SLC28A3: variants seen among roughly 807,000 people sequenced by gnomAD.
The protein encoded by SLC28A3 is concentrative Na(+)-nucleoside cotransporter 3.
Under a neutral mutation model 84.2 loss-of-function variants are expected in SLC28A3, and 68 were observed. That is an observed-to-expected ratio of 0.81 (90% CI 0.66 to 0.99). The LOEUF (loss-of-function observed/expected upper bound fraction) is 0.99, where lower values mean the gene tolerates loss of function less well. Among genes scored for constraint, SLC28A3 ranks in the 50% least tolerant of loss-of-function variants. SLC28A3 has a pLI of 0.00. For synonymous variants in SLC28A3, 267 were observed against 303.6 expected, an observed-to-expected ratio of 0.88 and a Z score of 1.25; for missense variants, 712 against 841.5, an observed-to-expected ratio of 0.85 and a Z score of 1.90.
intron 1 of SLC28A3, among the ~76,000 whole-genome samples, chr9:84,340,075 C>T (rs1173366269): frequency 3.3e-5 from 5 of 152,168 alleles, no homozygotes; most frequent in African/African-American, 2.4e-5. Flanking sequence ...CACCCAGCCT[C>T]GGGCTGAGCA....
At chr9:84,348,303 G>A in the SLC28A3 span, among the ~76,000 whole-genome samples, 2 of 147,724 alleles carry the variant, frequency 1.4e-5, no homozygotes, top group East Asian at 4.0e-4. Flanking sequence ...GCAGTGAGCC[G>A]AGATCACAGC....
chr9:84,304,745 G>A (rs1404581040), intron 4 of SLC28A3, among the ~76,000 whole-genome samples: 1 of 152,200 alleles, frequency 6.6e-6, no homozygotes, highest in Non-Finnish European at 1.5e-5. Context: ...TGCTGGGCCC[G>A]GCACAGTGGA....
intron 1 of SLC28A3, among the ~76,000 whole-genome samples, chr9:84,336,994 A>G (rs1031452373): frequency 8.5e-5 from 13 of 152,128 alleles, no homozygotes; most frequent in Admixed American, 2.0e-4. Flanking sequence ...TATATTATTT[A>G]CAATGCACTT....
Position 84,309,649 on chromosome 9 carries a change from A to C in SLC28A3, c.222T>G (p.Asp74Glu). Residue 74 changes from aspartate (D) to glutamate (E), a missense_variant, in exon 3 of 18, where the codon GAT becomes GAG. Transcript: ENST00000376238. Reference protein sequence around the residue: ...PRNREHMEDDDEEMQQKGCLE... With the variant: ...PRNREHMEDDEEEMQQKGCLE... ...TGTACCCTTTTTGTTGCATCTCCTCATCATCATCCTCCATGTGTTCTCTGT... is the reference window on the plus strand; with the variant it reads ...TGTACCCTTTTTGTTGCATCTCCTCCTCATCATCCTCCATGTGTTCTCTGT... The C allele has an allele frequency of 6.2e-7, 1 of 1,613,010 alleles. No homozygotes were observed. The highest frequency in any genetic ancestry group is 1.1e-5 in the South Asian group (1 of 91,018).
chr9:84,330,314 T>C (rs1304836683), intron 1 of SLC28A3, among the ~76,000 whole-genome samples: 6 of 152,198 alleles, frequency 3.9e-5, no homozygotes, highest in African/African-American at 1.4e-4. Flanking sequence ...GAGGAGATAT[T>C]ACTACTGATA....
rs186427316 is a variant in SLC28A3 at position 84,306,430 on chromosome 9, A to C, written c.243-1085T>G. On this transcript the variant is annotated intron_variant, in intron 3 of 17. Transcript: ENST00000376238. ...CAGCTCAAGCTTTTGACTTCTAAAA[A>C]GTCTTCTTGCATTTTCTCAGACAGA... Among the ~76,000 whole-genome samples, 24 of 152,270 alleles carry C rather than the reference A, an allele frequency of 1.6e-4. No homozygotes were observed. In the East Asian group the frequency reaches 4.4e-3, roughly 28 times the overall value.
chr9:84,312,902 C>T lies in SLC28A3; in HGVS notation c.156+457G>A, dbSNP rs1471087134. Reference sequence around the variant, plus strand: ...TGTTCACCTTTTTGGCAACAGGAAGCCATCTTTAAATAAACTCCTGTCCAG... The same window carrying T: ...TGTTCACCTTTTTGGCAACAGGAAGTCATCTTTAAATAAACTCCTGTCCAG... On this transcript the variant is annotated intron_variant, in intron 2 of 17. Transcript: ENST00000376238. Among the ~76,000 whole-genome samples, 3 of 152,126 alleles carry T rather than the reference C, an allele frequency of 2.0e-5. No homozygotes were observed. The East Asian group carries it at 5.8e-4, about 29-fold the overall frequency.
chr9:84,350,019 G>A, the SLC28A3 span, among the ~76,000 whole-genome samples: 1 of 152,212 alleles, frequency 6.6e-6, no homozygotes, highest in South Asian at 2.1e-4. Context: ...AGGTTATATG[G>A]TATAGCCTGT....
intron 4 of SLC28A3, among the ~76,000 whole-genome samples, chr9:84,303,873 CATAA>C (rs1250695097): frequency 6.6e-6 from 1 of 152,228 alleles, no homozygotes; most frequent in Non-Finnish European, 1.5e-5. Flanking sequence ...TGTCTCCTTT[CATAA>C]ATATTCATGA....
rs547968745 is a variant in SLC28A3 at position 84,321,878 on chromosome 9, G to A, written c.61-8424C>T. 7.2e-5 allele frequency among the ~76,000 whole-genome samples: 11 copies of A among 151,740 alleles called. No homozygotes were observed. The South Asian group carries it at 1.3e-3, about 17-fold the overall frequency. ...CAGCCTGGCCAACATGGTGAAACCC[G>A]GTCTCTACTAAAAACACAAAAATTA... is the stretch of plus-strand genomic sequence containing the variant. On this transcript the variant is annotated intron_variant, in intron 1 of 17. Transcript: ENST00000376238.
At chr9:84,362,923 C>A in the SLC28A3 span, among the ~76,000 whole-genome samples, 3,320 of 151,946 alleles carry the variant, frequency 0.022, 124 homozygotes, top group African/African-American at 0.075. Context: ...ATTTATAAAT[C>A]TAATAACTAA....
Position 84,305,261 on chromosome 9 carries a change from T to C in SLC28A3, c.327A>G (p.Leu109=), listed in dbSNP as rs1182691882. The change falls in exon 4 of 18, where the codon TTA becomes TTG. Residue 109 remains leucine (L), a synonymous_variant. Transcript: ENST00000376238. ...ACCATCTTTGTTATTTACCTGCTAA[T>C]AAAATGCCCCAGATGATGTGCCGAA... ...TTLRHIIWGI[L]LAGYLVMVIS... is the part of the protein sequence containing the mutation. The C allele has an allele frequency of 1.2e-6, 2 of 1,606,814 alleles. No individual in the cohort carries two copies. The highest frequency in any genetic ancestry group is 1.1e-5 in the South Asian group (1 of 90,138).
chr9:84,352,460 G>A, the SLC28A3 span, among the ~76,000 whole-genome samples: 1 of 152,040 alleles, frequency 6.6e-6, no homozygotes, highest in Non-Finnish European at 1.5e-5. Flanking sequence ...TGGGATTACA[G>A]GCATGAGCCA....
Position 84,302,403 on chromosome 9 carries a change from A to G in SLC28A3, c.335-14T>C. On this transcript the variant is annotated splice_polypyrimidine_tract_variant and intron_variant, in intron 4 of 17. Transcript: ENST00000376238. ...TAACCAGATAACCTGTCCAGGAAGCAAAAACAGACACTGAACATCACTAAC... is the reference window on the plus strand; with the variant it reads ...TAACCAGATAACCTGTCCAGGAAGCGAAAACAGACACTGAACATCACTAAC... 1 of 1,610,444 alleles carries G rather than the reference A, an allele frequency of 6.2e-7. No homozygotes were observed. Among genetic ancestry groups the G allele is most frequent in the Non-Finnish European group, 8.5e-7 (1 of 1,178,520 alleles).
At chr9:84,353,968 T>G in the SLC28A3 span, among the ~76,000 whole-genome samples, 4 of 152,150 alleles carry the variant, frequency 2.6e-5, no homozygotes. Context: ...AAAGAAAAAA[T>G]CCTACTTATC....
intron 1 of SLC28A3, among the ~76,000 whole-genome samples, chr9:84,322,924 G>T (rs1195290698): frequency 6.6e-6 from 1 of 152,194 alleles, no homozygotes. Flanking sequence ...AATGACTCAA[G>T]ATGTTAGAAA....
At chr9:84,335,048 G>A (rs1826921621) in intron 1 of SLC28A3, among the ~76,000 whole-genome samples, 3 of 151,998 alleles carry the variant, frequency 2.0e-5, no homozygotes. Context: ...CCCTCACAGT[G>A]GTCTTATCCG....
intron 1 of SLC28A3, among the ~76,000 whole-genome samples, chr9:84,333,312 C>T (rs995027574): frequency 1.3e-5 from 2 of 152,040 alleles, no homozygotes; most frequent in Non-Finnish European, 2.9e-5. Context: ...TCCTTGTGGG[C>T]AAAACATGGG....
chr9:84,348,986 C>T, the SLC28A3 span, among the ~76,000 whole-genome samples: 1 of 151,740 alleles, frequency 6.6e-6, no homozygotes, highest in Non-Finnish European at 1.5e-5. Context: ...CGGCTCACTG[C>T]AACCTCTGCC....
Sources: gnomAD v4.1 joint callset for allele counts (sites outside exome capture counted in the v4.1 genomes callset) on GRCh38, gnomAD v4.1.1 for gene constraint, MANE v1.5 for transcripts, NCBI Gene and HGNC (gene_info 2026-07-23, HGNC 2026-07-21) for gene names.